Variants in CSMD1 observed in about 807,000 individuals in gnomAD.
CSMD1 encodes the protein CUB and sushi domain-containing protein 1.
CSMD1 carries 213 observed loss-of-function variants against 417.5 expected under a neutral mutation model. That is an observed-to-expected ratio of 0.51 (90% CI 0.46 to 0.57). The LOEUF (loss-of-function observed/expected upper bound fraction) is 0.57. Ranked by LOEUF, CSMD1 falls within the 20% of genes least tolerant of loss-of-function variation. CSMD1 has a pLI of 0.00. For missense variants in CSMD1, 6,923 were observed against 4,529.7 expected (o/e 1.53, Z -15.17); for synonymous variants, 2,862 against 1,736.8 (o/e 1.65, Z -16.11).
At chr8:4,046,116 TCATA>T (rs1798133156) in intron 3 of CSMD1, among the ~76,000 whole-genome samples, 1 of 152,238 alleles carries the variant, frequency 6.6e-6, no homozygotes, top group East Asian at 1.9e-4. Flanking sequence ...ATTCTATAGC[TCATA>T]TATATCTGAT....
At chr8:3,317,193 A>T (rs1166495605) in intron 23 of CSMD1, among the ~76,000 whole-genome samples, 3 of 152,196 alleles carry the variant, frequency 2.0e-5, no homozygotes, top group Non-Finnish European at 2.9e-5. Context: ...TGATCTTCTC[A>T]TAGCAGATCC....
chr8:3,645,348 C>G (rs972643058), intron 7 of CSMD1, among the ~76,000 whole-genome samples: 4 of 152,216 alleles, frequency 2.6e-5, no homozygotes, highest in African/African-American at 9.6e-5. Flanking sequence ...AAAGACCTAT[C>G]CTAATTGAGA....
At chr8:4,676,837 T>A (rs543164085) in intron 1 of CSMD1, among the ~76,000 whole-genome samples, 1 of 151,622 alleles carries the variant, frequency 6.6e-6, no homozygotes, top group African/African-American at 2.4e-5. Context: ...TGTTCTTCTG[T>A]CCTGGAATTT....
At chr8:3,452,682 G>A (rs1815819828) in intron 12 of CSMD1, among the ~76,000 whole-genome samples, 1 of 152,142 alleles carries the variant, frequency 6.6e-6, no homozygotes, top group Non-Finnish European at 1.5e-5. Context: ...TGATCATGGT[G>A]GATAAGGTTT....
chr8:3,873,474 G>A (rs917579203), intron 5 of CSMD1, among the ~76,000 whole-genome samples: 32 of 152,078 alleles, frequency 2.1e-4, no homozygotes, highest in South Asian at 1.0e-3. Flanking sequence ...AATACCACAC[G>A]TTCTACCTTC....
chr8:4,188,247 G>A (rs982779889), intron 3 of CSMD1, among the ~76,000 whole-genome samples: 6 of 152,092 alleles, frequency 3.9e-5, no homozygotes, highest in Non-Finnish European at 7.4e-5. Flanking sequence ...CCAGAAAACA[G>A]CGCACTTTTG....
chr8:4,842,266 G>C (rs936450254), intron 1 of CSMD1, among the ~76,000 whole-genome samples: 1 of 152,184 alleles, frequency 6.6e-6, no homozygotes, highest in East Asian at 1.9e-4. Context: ...ATATAAATAT[G>C]AATCTTCCAG....
intron 7 of CSMD1, among the ~76,000 whole-genome samples, chr8:3,635,793 CAAA>C (rs752552617): frequency 3.0e-5 from 3 of 99,254 alleles, no homozygotes; most frequent in East Asian, 2.8e-4. Flanking sequence ...GCTTCCATCT[CAAA>C]AAAAAAAAAA....
At chr8:3,369,186 T>C in intron 19 of CSMD1, 68 bp downstream of exon 19, 2 of 741,242 alleles carry the variant, frequency 2.7e-6, no homozygotes, top group Non-Finnish European at 2.4e-6. Flanking sequence ...TAATATGTTT[T>C]TGTTTTGTTC....
chr8:3,096,205 T>C (rs1815283832), intron 47 of CSMD1, among the ~76,000 whole-genome samples: 1 of 152,208 alleles, frequency 6.6e-6, no homozygotes, highest in African/African-American at 2.4e-5. Context: ...TCAGGGTGTA[T>C]TCCTAAGCAT....
intron 10 of CSMD1, among the ~76,000 whole-genome samples, chr8:3,562,685 T>A (rs1344856357): frequency 6.6e-6 from 1 of 151,886 alleles, no homozygotes; most frequent in African/African-American, 2.4e-5. Context: ...GACACTATTA[T>A]AGTTAATAAT....
intron 5 of CSMD1, among the ~76,000 whole-genome samples, chr8:3,843,928 C>A (rs1300825895): frequency 6.6e-6 from 1 of 152,084 alleles, no homozygotes; most frequent in Non-Finnish European, 1.5e-5. Flanking sequence ...CCATTGCATG[C>A]GCACAAGGTT....
chr8:3,063,144 G>A (rs112686053), intron 49 of CSMD1, among the ~76,000 whole-genome samples: 9 of 152,190 alleles, frequency 5.9e-5, no homozygotes, highest in African/African-American at 1.9e-4. Context: ...CACGCTCTTT[G>A]TGGCCGATTT....
At chr8:4,041,105 C>G (rs536574694) in intron 3 of CSMD1, among the ~76,000 whole-genome samples, 1 of 150,028 alleles carries the variant, frequency 6.7e-6, no homozygotes, top group Non-Finnish European at 1.5e-5. Context: ...CAAGCTCCGC[C>G]TCCCGGGTTC....
intron 5 of CSMD1, among the ~76,000 whole-genome samples, chr8:3,875,129 T>A (rs533740083): frequency 6.6e-6 from 1 of 152,162 alleles, no homozygotes; most frequent in South Asian, 2.1e-4. Context: ...ATTGTGGGGT[T>A]TGGAAATTAC....
rs2100769 is a variant in CSMD1, at chr8:3,109,878, C to A, written c.6608+280G>T. ...ACCCACAGAGACACACATCACACAC[C>A]CATACCCAACCCAACCCACACCCAC... On this transcript the variant is annotated intron_variant, in intron 43 of 69. Coordinates refer to ENST00000635120, the MANE Select transcript of CSMD1 (RefSeq NM_033225.6). Among the ~76,000 whole-genome samples, 147,169 of 151,992 alleles carry A rather than the reference C, an allele frequency of 0.97. 71,263 individuals carry two copies. Among genetic ancestry groups the A allele is most frequent in the African/African-American group, 0.98 (40,673 of 41,442 alleles).
intron 11 of CSMD1, among the ~76,000 whole-genome samples, chr8:3,490,939 T>C (rs761066085): frequency 4.6e-5 from 7 of 151,984 alleles, no homozygotes; most frequent in East Asian, 1.9e-4. Flanking sequence ...TGCAGAAAAA[T>C]AGGATCCTTC....
chr8:3,313,210 C>T (rs1805489702), intron 23 of CSMD1, among the ~76,000 whole-genome samples: 1 of 152,090 alleles, frequency 6.6e-6, no homozygotes. Flanking sequence ...TAGGCATGGG[C>T]AAAGACTTCA....
At chr8:2,953,540 G>A (rs1412563964) in intron 65 of CSMD1, among the ~76,000 whole-genome samples, 7 of 151,146 alleles carry the variant, frequency 4.6e-5, no homozygotes, top group African/African-American at 1.5e-4. Context: ...TTCTGTTTCT[G>A]ATAAAACAAC....
Sources: gnomAD v4.1 joint callset for allele counts (sites outside exome capture counted in the v4.1 genomes callset) on GRCh38, gnomAD v4.1.1 for gene constraint, MANE v1.5 for transcripts, NCBI Gene and HGNC (gene_info 2026-07-23, HGNC 2026-07-21) for gene names.